FMN2: variants seen among roughly 807,000 people sequenced by gnomAD.
FMN2 encodes the protein formin 2, also known as formin-2.
A neutral mutation model predicts 142.3 loss-of-function variants in FMN2; 51 were observed. The ratio of observed to expected loss-of-function variants is 0.36; its 90% CI spans 0.29 to 0.45. The LOEUF is 0.45. FMN2 is among the 20% of genes least tolerant of loss of function. The pLI, the probability that FMN2 is intolerant of heterozygous loss-of-function variation, is 1.00. For missense variants in FMN2, 1,936 were observed against 2,122.8 expected (o/e 0.91, Z 1.73); for synonymous variants, 882 against 869.8 (o/e 1.01, Z -0.25).
At chr1:240,135,239 C>T (rs1396798870) in intron 2 of FMN2, among the ~76,000 whole-genome samples, 1 of 152,152 alleles carries the variant, frequency 6.6e-6, no homozygotes, top group African/African-American at 2.4e-5. Context: ...CACAACATTG[C>T]TCTTCTCTTT....
At chr1:240,281,254 A>G (rs1402508058) in intron 7 of FMN2, among the ~76,000 whole-genome samples, 1 of 152,118 alleles carries the variant, frequency 6.6e-6, no homozygotes, top group African/African-American at 2.4e-5. Flanking sequence ...TGCAAAGTCT[A>G]TGGCATTCTG....
intron 15 of FMN2, among the ~76,000 whole-genome samples, chr1:240,406,035 G>GGAGTGGGGGAAGCGAAGGGAAGCAGCA (rs1674149395): frequency 4.4e-5 from 2 of 45,498 alleles, no homozygotes; most frequent in Non-Finnish European, 4.9e-5. Flanking sequence ...GGGAAGCAGC[G>GGAGTGGGGGAAGCGAAGGGAAGCAGCA]TCAGGAGTCG....
At chr1:240,472,524 C>A in intron 17 of FMN2, 71 bp downstream of exon 17, 1 of 952,284 alleles carries the variant, frequency 1.1e-6, no homozygotes, top group Non-Finnish European at 1.6e-6. Context: ...TATATACAAA[C>A]TCATAATATT....
Position 240,225,330 on chromosome 1 carries a change from C to T in FMN2, c.4065+14095C>T, listed in dbSNP as rs188745579. On this transcript the variant is annotated intron_variant, in intron 6 of 17. Transcript: ENST00000319653. Reference sequence around the variant, plus strand: ...TAGCAGACTCCAAGGCACCCCTCAGCCCCAGTGGTTAAGGGTAAAACCCTA... The same window carrying T: ...TAGCAGACTCCAAGGCACCCCTCAGTCCCAGTGGTTAAGGGTAAAACCCTA... 2.7e-3 allele frequency among the ~76,000 whole-genome samples: 412 copies of T among 152,292 alleles called. 3 individuals are homozygous for T. In the South Asian group the frequency reaches 0.027, roughly 10 times the overall value.
chr1:240,187,374 C>T (rs377710581), intron 3 of FMN2, among the ~76,000 whole-genome samples: 222 of 151,514 alleles, frequency 1.5e-3, no homozygotes, highest in African/African-American at 5.3e-3. Context: ...AGGGGTGCAA[C>T]GCGACAGTCA....
chr1:240,463,506 G>T (rs559569242), intron 16 of FMN2, among the ~76,000 whole-genome samples: 3 of 152,148 alleles, frequency 2.0e-5, no homozygotes, highest in Non-Finnish European at 4.4e-5. Flanking sequence ...AGTCTTCACC[G>T]CAGAAGTGGT....
Position 240,106,979 on chromosome 1 carries a change from C to T in FMN2, c.1615+13255C>T, listed in dbSNP as rs532324717. On this transcript the variant is annotated intron_variant, in intron 1 of 17. Coordinates refer to ENST00000319653, the MANE Select transcript of FMN2 (RefSeq NM_020066.5). ...TTTTACAGGCATGAGCCACCATGCC[C>T]GGCCTTTTCCAGGAGGATTTTTAAT... 1.3e-4 allele frequency among the ~76,000 whole-genome samples: 19 copies of T among 151,872 alleles called. No homozygotes were observed. In the South Asian group the frequency reaches 1.5e-3, roughly 12 times the overall value.
chr1:240,144,014 A>T (rs2103258153), intron 2 of FMN2: 1 of 1,176,582 alleles, frequency 8.5e-7, no homozygotes, highest in Middle Eastern at 1.9e-4. Context: ...CTCATTCCAG[A>T]CCCCAGAGTT....
At chr1:240,324,488 A>G (rs1671087000) in intron 8 of FMN2, among the ~76,000 whole-genome samples, 1 of 152,112 alleles carries the variant, frequency 6.6e-6, no homozygotes, top group Non-Finnish European at 1.5e-5. Flanking sequence ...CCCTGTCTCT[A>G]CTAAAACTAC....
chr1:240,139,711 G>A (rs1663098932), intron 2 of FMN2, among the ~76,000 whole-genome samples: 1 of 152,238 alleles, frequency 6.6e-6, no homozygotes, highest in African/African-American at 2.4e-5. Flanking sequence ...GCGCTGCCCA[G>A]ATTTCAGCAG....
At position 240,331,943 on chromosome 1, in the gene FMN2, C is replaced by G. The variant is rs190215535; in HGVS notation, c.4584+1194C>G. Among the ~76,000 whole-genome samples, 1,135 of 152,302 alleles carry G rather than the reference C, an allele frequency of 7.5e-3. 7 individuals are homozygous for G. The highest frequency in any genetic ancestry group is 0.01 in the Non-Finnish European group (683 of 68,034). On this transcript the variant is annotated intron_variant, in intron 11 of 17. Coordinates refer to ENST00000319653, the MANE Select transcript of FMN2 (RefSeq NM_020066.5). ...AATGGTTGTATGGGTACTCGCAGTA[C>G]AGTTTCTACTGAATGCGTATCACTT...
intron 2 of FMN2, among the ~76,000 whole-genome samples, chr1:240,140,293 A>G (rs1375328815): frequency 6.6e-6 from 1 of 152,206 alleles, no homozygotes; most frequent in Non-Finnish European, 1.5e-5. Context: ...TAAGCACTTT[A>G]CAATTATTAA....
At chr1:240,302,598 CTA>C (rs1415451112) in intron 8 of FMN2, among the ~76,000 whole-genome samples, 1 of 151,940 alleles carries the variant, frequency 6.6e-6, no homozygotes, top group African/African-American at 2.4e-5. Flanking sequence ...AAATTAGTAA[CTA>C]TTATATACTA....
intron 6 of FMN2, among the ~76,000 whole-genome samples, chr1:240,219,351 C>CAA (rs1667019452): frequency 6.6e-6 from 1 of 152,070 alleles, no homozygotes; most frequent in African/African-American, 2.4e-5. Context: ...GATCTCAGGG[C>CAA]AAAGGAGGAT....
At chr1:240,225,633 A>G (rs1667271054) in intron 6 of FMN2, among the ~76,000 whole-genome samples, 1 of 152,242 alleles carries the variant, frequency 6.6e-6, no homozygotes. Context: ...TGAAATGTCT[A>G]GTTTTCAACA....
At chr1:240,154,432 G>T (rs75159506) in intron 2 of FMN2, among the ~76,000 whole-genome samples, 517 of 152,252 alleles carry the variant, frequency 3.4e-3, no homozygotes, top group African/African-American at 0.012. Context: ...CGGAAAACCT[G>T]GTTTCTGCCT....
chr1:240,401,989 G>A (rs1043713512), intron 15 of FMN2, among the ~76,000 whole-genome samples: 3 of 152,182 alleles, frequency 2.0e-5, no homozygotes, highest in African/African-American at 7.2e-5. Context: ...GGAGTACCTT[G>A]TTCTTTGCAA....
At chr1:240,363,847 T>C (rs1672573046) in intron 14 of FMN2, among the ~76,000 whole-genome samples, 1 of 152,012 alleles carries the variant, frequency 6.6e-6, no homozygotes, top group Admixed American at 6.6e-5. Context: ...TCCTGCCTGA[T>C]GGCTCAGGTG....
Position 240,198,738 on chromosome 1 carries a change from A to G in FMN2, c.1987-8061A>G, listed in dbSNP as rs956841540. 3.5e-4 allele frequency among the ~76,000 whole-genome samples: 53 copies of G among 152,146 alleles called. 1 individual carries two copies. The highest frequency in any genetic ancestry group is 1.0e-3 in the African/African-American group (42 of 41,422). On this transcript the variant is annotated intron_variant, in intron 4 of 17. Transcript: ENST00000319653. The stretch of plus-strand genomic sequence containing the variant: ...ACACCTCGATCTCTTTCCCTATGGG[A>G]TCATGTGTAGCAGATGTTAACATAT...
Sources: allele counts gnomAD v4.1 joint callset (sites outside exome capture counted in the v4.1 genomes callset), GRCh38; gene constraint gnomAD v4.1.1; transcripts MANE v1.5; gene names NCBI Gene and HGNC (gene_info 2026-07-23, HGNC 2026-07-21).